TSACC: variants seen among roughly 807,000 people sequenced by gnomAD.
TSACC encodes TSSK6 activating cochaperone.
TSACC carries 3 observed loss-of-function variants against 6.9 expected under a neutral mutation model. The ratio of observed to expected loss-of-function variants is 0.43; its 90% CI spans 0.20 to 1.12. The LOEUF is 1.12. TSACC is among the 50% of genes most tolerant of loss of function. The pLI, the probability that TSACC is intolerant of heterozygous loss-of-function variation, is 0.28. For missense variants in TSACC, 137 were observed against 143.9 expected (o/e 0.95, Z 0.24); for synonymous variants, 54 against 55.1 (o/e 0.98, Z 0.09).
intron 1 of TSACC, among the ~76,000 whole-genome samples, chr1:156,339,147 C>T (rs2101695948): frequency 6.6e-6 from 1 of 152,192 alleles, no homozygotes; most frequent in South Asian, 2.1e-4. Flanking sequence ...GCCTGTAATC[C>T]CAGCTACTCA....
chr1:156,344,755 G>C, intron 3 of TSACC, 47 bp downstream of exon 3: 1 of 1,596,172 alleles, frequency 6.3e-7, no homozygotes, highest in Admixed American at 1.7e-5. Flanking sequence ...AGGGGGAAGG[G>C]TTGCATGGAG....
upstream of TSACC, chr1:156,338,224 A>G (rs1443577602): frequency 1.3e-6 from 2 of 1,568,228 alleles, no homozygotes; most frequent in South Asian, 2.3e-5. Context: ...AGCTGGGGGA[A>G]CCGGCAGAAC....
At chr1:156,344,103 T>C (rs1050494003) in intron 2 of TSACC, among the ~76,000 whole-genome samples, 2 of 152,238 alleles carry the variant, frequency 1.3e-5, no homozygotes, top group Non-Finnish European at 2.9e-5. Flanking sequence ...GTTCTCTCGC[T>C]ACTCATATTG....
chr1:156,342,936 C>G (rs963394252), intron 2 of TSACC, among the ~76,000 whole-genome samples: 7 of 152,312 alleles, frequency 4.6e-5, no homozygotes, highest in Non-Finnish European at 1.0e-4. Flanking sequence ...TACCTAGTTC[C>G]AGCTGTCTGA....
chr1:156,341,788 G>A (rs1665899433), intron 2 of TSACC, among the ~76,000 whole-genome samples: 1 of 152,148 alleles, frequency 6.6e-6, no homozygotes, highest in Admixed American at 6.5e-5. Flanking sequence ...TCTTGGCCGG[G>A]CGCAGTGGCT....
At position 156,344,503 on chromosome 1, in the gene TSACC, T is replaced by G. The variant is rs973888443; in HGVS notation, c.35-77T>G. 12 of 1,543,304 alleles carry G rather than the reference T, an allele frequency of 7.8e-6. No individual in the cohort carries two copies. The Admixed American group carries it at 2.0e-4, about 25-fold the overall frequency. Reference sequence around the variant, plus strand: ...GGCAGGGCCTGGGCACCTGCTTTCATGGACCAGGTGCAGGGATCTAATTAG... The same window carrying G: ...GGCAGGGCCTGGGCACCTGCTTTCAGGGACCAGGTGCAGGGATCTAATTAG... On this transcript the variant is annotated intron_variant, in intron 2 of 3. Coordinates refer to ENST00000368254, the MANE Select transcript of TSACC (RefSeq NM_001304817.2).
chr1:156,339,785 A>C lies in TSACC; in HGVS notation c.28A>C (p.Arg10=). 5.0e-6 allele frequency: 8 copies of C among 1,614,118 alleles called. No homozygotes were observed. The highest frequency in any genetic ancestry group is 5.9e-6 in the Non-Finnish European group (7 of 1,180,002). Residue 10 remains arginine (R), a synonymous_variant, in exon 2 of 4, where the codon AGA becomes CGA. Coordinates refer to ENST00000368254, the MANE Select transcript of TSACC (RefSeq NM_001304817.2). The part of the protein sequence containing the change: MERHTSHPN[R]KVPAKEEANA... The stretch of plus-strand genomic sequence containing the variant: ...GGAGCGGCACACTAGTCATCCTAAC[A>C]GAAAAGGTGTGTGTTGGAGGCCCTG...
At chr1:156,337,420 G>GA (rs574076002), upstream of TSACC, 39 of 172,148 alleles carry the variant, frequency 2.3e-4, no homozygotes, top group Admixed American at 4.2e-4. Flanking sequence ...AATATAAAAA[G>GA]AAAAAAAATA....
chr1:156,338,283 C>A, upstream of TSACC: 1 of 1,188,036 alleles, frequency 8.4e-7, no homozygotes, highest in Non-Finnish European at 1.2e-6. Context: ...GCTGCCTCCT[C>A]AGGGCTTACA....
chr1:156,341,097 G>A (rs1292547726), intron 2 of TSACC, among the ~76,000 whole-genome samples: 2 of 152,206 alleles, frequency 1.3e-5, no homozygotes, highest in Non-Finnish European at 2.9e-5. Context: ...GATTACAGGC[G>A]TGAGCCATCG....
chr1:156,341,058 C>T (rs182335734), intron 2 of TSACC, among the ~76,000 whole-genome samples: 1 of 152,110 alleles, frequency 6.6e-6, no homozygotes, highest in East Asian at 1.9e-4. Context: ...CTCAAGTGAT[C>T]CGCCCACTCT....
chr1:156,344,880 A>T (rs907041160), intron 3 of TSACC, among the ~76,000 whole-genome samples, 172 bp downstream of exon 3: 3 of 152,216 alleles, frequency 2.0e-5, no homozygotes, highest in African/African-American at 7.2e-5. Flanking sequence ...TTATCATCCC[A>T]GTTCTACCAA....
upstream of TSACC, chr1:156,337,779 G>A (rs755064410): frequency 6.4e-5 from 19 of 295,420 alleles, no homozygotes; most frequent in Non-Finnish European, 9.6e-5. Flanking sequence ...AGAATATAAA[G>A]CTAGACCTAA....
intron 3 of TSACC, 82 bp downstream of exon 3, chr1:156,344,790 T>C (rs1198194689): frequency 6.6e-7 from 1 of 1,519,342 alleles, no homozygotes; most frequent in Non-Finnish European, 8.9e-7. Flanking sequence ...TGTCGCCTAT[T>C]GATCAAGAGC....
intron 1 of TSACC, chr1:156,339,021 T>C (rs1046710410): frequency 2.0e-5 from 3 of 152,210 alleles, no homozygotes; most frequent in East Asian, 1.9e-4. Context: ...CCCAGCACTT[T>C]GGGAGGCCGA....
chr1:156,338,342 A>C, upstream of TSACC: 3 of 696,294 alleles, frequency 4.3e-6, no homozygotes, highest in Non-Finnish European at 7.5e-6. Flanking sequence ...CACCCATCTC[A>C]TTGATCGGCA....
At chr1:156,337,896 G>T (rs899383164), upstream of TSACC, 2 of 537,630 alleles carry the variant, frequency 3.7e-6, no homozygotes, top group South Asian at 5.1e-5. Context: ...GACAGAACGC[G>T]GAGTGGGAAA....
chr1:156,346,674 A>C (rs529116898), intron 3 of TSACC, 94 bp from the exon 4 acceptor site: 2 of 1,240,904 alleles, frequency 1.6e-6, no homozygotes, highest in Non-Finnish European at 2.3e-6. Context: ...GAAAGATTGG[A>C]GAGGTCATTT....
chr1:156,344,110 A>G (rs1666040064), intron 2 of TSACC, among the ~76,000 whole-genome samples: 1 of 152,172 alleles, frequency 6.6e-6, no homozygotes, highest in African/African-American at 2.4e-5. Flanking sequence ...CGCTACTCAT[A>G]TTGATCTCTT....
Sources: allele counts gnomAD v4.1 joint callset (sites outside exome capture counted in the v4.1 genomes callset), GRCh38; gene constraint gnomAD v4.1.1; transcripts MANE v1.5; gene names NCBI Gene and HGNC (gene_info 2026-07-23, HGNC 2026-07-21).